Variants in NUP153 observed in about 807,000 individuals in gnomAD.
NUP153 encodes the protein nucleoporin 153, also known as nuclear pore complex protein Nup153.
Under a neutral mutation model 134.6 loss-of-function variants are expected in NUP153, and 27 were observed. The observed-to-expected ratio is 0.20, with a 90% confidence interval of 0.15 to 0.28. NUP153 has a LOEUF of 0.28. Ranked by LOEUF, NUP153 falls within the 10% of genes least tolerant of loss-of-function variation. The pLI, the probability that NUP153 is intolerant of heterozygous loss-of-function variation, is 1.00. For synonymous variants in NUP153, 640 were observed against 623.5 expected, an observed-to-expected ratio of 1.03 and a Z score of -0.40; for missense variants, 1,821 against 1,731.3, an observed-to-expected ratio of 1.05 and a Z score of -0.92.
In NUP153 at chr6:17,628,240, T is replaced by C. The variant is rs911696530; in HGVS notation, c.3544+415A>G. 2.0e-5 allele frequency among the ~76,000 whole-genome samples: 3 copies of C among 152,232 alleles called. No individual in the cohort carries two copies. The highest frequency in any genetic ancestry group is 7.2e-5 in the African/African-American group (3 of 41,468). On this transcript the variant is annotated intron_variant, in intron 18 of 21. Transcript: ENST00000262077. The surrounding 1 kb of genome is among the most constrained non-coding windows in gnomAD (Gnocchi z 5.4). ...TATATTTGTTGTCTATGTTTCTTAA[T>C]GTTTGATGAGGACTGGTTATCTGTA... is the stretch of plus-strand genomic sequence containing the variant.
chr6:17,645,580 G>T (rs1054097405), intron 14 of NUP153, among the ~76,000 whole-genome samples: 2 of 151,784 alleles, frequency 1.3e-5, no homozygotes, highest in Non-Finnish European at 1.5e-5. Context: ...TGGGTTTACA[G>T]GAATGACCCA....
rs767219375 is a variant in NUP153 at position 17,624,878 on chromosome 6, C to CA, written c.3902-46dup. The CA allele has an allele frequency of 1.4e-5, 21 of 1,488,516 alleles. No homozygotes were observed. In the Admixed American group the frequency reaches 5.1e-4, roughly 36 times the overall value. The allele number at this position is 1,488,516 out of a possible 1,614,324, so 92.2% of individuals were successfully genotyped here. On this transcript the variant is annotated intron_variant, in intron 19 of 21. Transcript: ENST00000262077. ...CTTAAGTCACCATGGTGGCTAATGT[C>CA]AGATTATCCTCAAGAAATTTCTGTA... is the stretch of plus-strand genomic sequence containing the variant.
intron 11 of NUP153, among the ~76,000 whole-genome samples, chr6:17,660,531 CTCTT>C (rs939264330): frequency 6.6e-6 from 1 of 151,672 alleles, no homozygotes; most frequent in African/African-American, 2.4e-5. Context: ...ATATAGAGAA[CTCTT>C]TCTAATAATA....
At position 17,699,198 on chromosome 6, in the gene NUP153, T is replaced by C. The variant is rs543949808; in HGVS notation, c.111+7079A>G. 3.3e-3 allele frequency among the ~76,000 whole-genome samples: 497 copies of C among 152,182 alleles called. 1 individual carries two copies. The highest frequency in any genetic ancestry group is 0.011 in the African/African-American group (477 of 41,528). Reference sequence around the variant, plus strand: ...TAAATAGCTACAAATAATTTTTTTTTTTTTTAAATACAAGCTAGCTGGGCG... The same window carrying C: ...TAAATAGCTACAAATAATTTTTTTTCTTTTTAAATACAAGCTAGCTGGGCG... On this transcript the variant is annotated intron_variant, in intron 1 of 21. Coordinates refer to ENST00000262077, the MANE Select transcript of NUP153 (RefSeq NM_005124.4).
At chr6:17,663,254 C>CATATATATATATAT (rs762269189) in intron 9 of NUP153, among the ~76,000 whole-genome samples, 3 of 138,178 alleles carry the variant, frequency 2.2e-5, no homozygotes, top group South Asian at 2.2e-4. Flanking sequence ...CACACACACA[C>CATATATATATATAT]ACACACATAT....
At chr6:17,616,282 T>TGGGGGGGGGGGGGGG (rs3836949) in intron 21 of NUP153, 101 bp from the exon 22 acceptor site, 29 of 334,112 alleles carry the variant, frequency 8.7e-5, no homozygotes, top group East Asian at 1.8e-4. Flanking sequence ...GGGGGTCGGG[T>TGGGGGGGGGGGGGGG]GGGGGGGGAG....
chr6:17,615,992 C>T lies in NUP153; in HGVS notation c.*105G>A. ...GGAAAATTCCAAAATTAAAGAAGTCCTTAGGCAGATCTGACTTCAGATAAC... is the reference window on the plus strand; with the variant it reads ...GGAAAATTCCAAAATTAAAGAAGTCTTTAGGCAGATCTGACTTCAGATAAC... On this transcript the variant is annotated 3_prime_UTR_variant, in exon 22 of 22. Coordinates refer to ENST00000262077, the MANE Select transcript of NUP153 (RefSeq NM_005124.4). The surrounding 1 kb of genome is among the most constrained non-coding windows in gnomAD (Gnocchi z 5.7). 8 of 804,354 alleles carry T rather than the reference C, an allele frequency of 9.9e-6. No homozygotes were observed. Among genetic ancestry groups the T allele is most frequent in the Non-Finnish European group, 1.6e-5 (8 of 493,456 alleles). 49.8% of individuals were successfully genotyped at this position (804,354 alleles called of 1,614,324 possible).
chr6:17,685,848 A>AT (rs978144959), intron 2 of NUP153, among the ~76,000 whole-genome samples: 1 of 151,822 alleles, frequency 6.6e-6, no homozygotes, highest in African/African-American at 2.4e-5. Flanking sequence ...TTCCACTTAC[A>AT]TTAAAAAAAA....
intron 16 of NUP153, among the ~76,000 whole-genome samples, chr6:17,633,045 C>T (rs1765344420): frequency 6.6e-6 from 1 of 152,080 alleles, no homozygotes; most frequent in African/African-American, 2.4e-5. Context: ...TCTCTTTTAA[C>T]CTTATAAATG....
intron 1 of NUP153, among the ~76,000 whole-genome samples, chr6:17,697,358 A>G (rs981759644): frequency 6.6e-6 from 1 of 152,190 alleles, no homozygotes; most frequent in Non-Finnish European, 1.5e-5. Context: ...TATTGTGAAT[A>G]CATTAGCTTT....
At chr6:17,695,000 G>A (rs937376928) in intron 1 of NUP153, among the ~76,000 whole-genome samples, 1 of 151,586 alleles carries the variant, frequency 6.6e-6, no homozygotes, top group Non-Finnish European at 1.5e-5. Context: ...AAAAGAGAGA[G>A]TGGGAAGTAC....
chr6:17,665,190 C>T, intron 9 of NUP153, 49 bp downstream of exon 9: 2 of 1,407,852 alleles, frequency 1.4e-6, no homozygotes, highest in South Asian at 2.4e-5. Context: ...TTTAGTCTTA[C>T]TTATTCTAAT....
At chr6:17,642,884 C>T (rs974095583) in intron 14 of NUP153, among the ~76,000 whole-genome samples, 18 of 152,162 alleles carry the variant, frequency 1.2e-4, no homozygotes, top group African/African-American at 4.3e-4. Flanking sequence ...ACATAAGAAC[C>T]TTGAAACCAC....
chr6:17,663,889 T>C (rs1385432374), intron 9 of NUP153, among the ~76,000 whole-genome samples: 2 of 152,178 alleles, frequency 1.3e-5, no homozygotes, highest in Non-Finnish European at 2.9e-5. Flanking sequence ...GATCCAGCAA[T>C]TCTATTTCTA....
At chr6:17,670,527 T>C (rs1468919523) in intron 5 of NUP153, among the ~76,000 whole-genome samples, 1 of 152,198 alleles carries the variant, frequency 6.6e-6, no homozygotes, top group South Asian at 2.1e-4. Context: ...TCTGCATGCA[T>C]TGATTTCTGT....
At position 17,680,656 on chromosome 6, in the gene NUP153, A is replaced by G. The variant is rs986765428; in HGVS notation, c.335-4886T>C. ...ATGTAATCAACAGAGTAAAAGGTCA[A>G]CCTACAGGATGGGAGAAAATATCCA... On this transcript the variant is annotated intron_variant, in intron 2 of 21. Transcript: ENST00000262077. The surrounding 1 kb of genome is among the most constrained non-coding windows in gnomAD (Gnocchi z 4.5). Among the ~76,000 whole-genome samples the G allele has an allele frequency of 7.2e-5, 11 of 152,244 alleles. No homozygotes were observed. The highest frequency in any genetic ancestry group is 2.4e-4 in the African/African-American group (10 of 41,476).
At chr6:17,697,969 T>C (rs1239548167) in intron 1 of NUP153, among the ~76,000 whole-genome samples, 1 of 152,232 alleles carries the variant, frequency 6.6e-6, no homozygotes, top group Non-Finnish European at 1.5e-5. Context: ...AAAGCTCTTT[T>C]CTTCCTACTA....
At chr6:17,663,389 G>T (rs1209938789) in intron 9 of NUP153, among the ~76,000 whole-genome samples, 1 of 151,854 alleles carries the variant, frequency 6.6e-6, no homozygotes, top group Non-Finnish European at 1.5e-5. Flanking sequence ...GCAACCTCCT[G>T]CCTTGCTAGG....
At chr6:17,688,321 C>G (rs1467685255) in intron 2 of NUP153, 75 bp downstream of exon 2, 2 of 1,095,644 alleles carry the variant, frequency 1.8e-6, no homozygotes, top group African/African-American at 3.1e-5. Flanking sequence ...TTAGATTTAC[C>G]ATAACTAGGT....
Sources: allele counts gnomAD v4.1 joint callset (sites outside exome capture counted in the v4.1 genomes callset), GRCh38; gene constraint gnomAD v4.1.1; non-coding constraint Gnocchi (gnomAD v3.1); transcripts MANE v1.5; gene names NCBI Gene and HGNC (gene_info 2026-07-23, HGNC 2026-07-21).